DECR2: variants seen among roughly 807,000 people sequenced by gnomAD.
The protein encoded by DECR2 is 2,4-dienoyl-CoA reductase 2, also known as peroxisomal 2,4-dienoyl-CoA reductase [(3E)-enoyl-CoA-producing].
Under a neutral mutation model 29.2 loss-of-function variants are expected in DECR2, and 34 were observed. That is an observed-to-expected ratio of 1.16 (90% confidence interval 0.89 to 1.55). The LOEUF is 1.55. DECR2 is among the 40% of genes most tolerant of loss of function. The pLI is 0.00. For missense variants in DECR2, 485 were observed against 425.3 expected (o/e 1.14, Z -1.23); for synonymous variants, 224 against 182.7 (o/e 1.23, Z -1.82).
chr16:410,793 ACCCC>A lies in DECR2; in HGVS notation c.556+15_556+18del. The A allele has an allele frequency of 6.8e-7, 1 of 1,464,652 alleles. No homozygotes were observed. The allele number at this position is 1,464,652 out of a possible 1,614,324, so 90.7% of individuals were successfully genotyped here. A position where few individuals can be genotyped will look rare whatever the true frequency, so the allele number is the denominator to read the frequency against. On this transcript the variant is annotated intron_variant, in intron 6 of 8. Transcript: ENST00000219481. The surrounding 1 kb of genome is among the most constrained non-coding windows in gnomAD (Gnocchi z 4.1). ...CGCCAAGGCCGCTGTGGGTATGACC[ACCCC>A]CCCCCGCCCAGGTTTGCCCACGTGG... is the stretch of plus-strand genomic sequence containing the variant.
chr16:405,162 A>G (rs2054709965), intron 2 of DECR2, 138 bp downstream of exon 2: 1 of 1,065,854 alleles, frequency 9.4e-7, no homozygotes, highest in African/African-American at 1.6e-5. Flanking sequence ...GGTGCCTGCC[A>G]GAGGGACTGG....
Position 404,692 on chromosome 16 carries a change from C to T in DECR2, c.81-264C>T, listed in dbSNP as rs563616139. Among the ~76,000 whole-genome samples, 300 of 151,978 alleles carry T rather than the reference C, an allele frequency of 2.0e-3. 1 individual carries two copies. The highest frequency in any genetic ancestry group is 2.0e-3 in the Non-Finnish European group (136 of 67,988). ...TTGCCCAGGCTGGAGTGCAGTGGTG[C>T]GATCTCGGCTCACTGCAACATCTGC... On this transcript the variant is annotated intron_variant, in intron 1 of 8. Transcript: ENST00000219481.
At chr16:411,339 T>G (rs752350211) in intron 7 of DECR2, 22 bp from the exon 8 acceptor site, 1 of 1,594,444 alleles carries the variant, frequency 6.3e-7, no homozygotes, top group South Asian at 1.1e-5. Flanking sequence ...TCACGGGGCC[T>G]GAGCCTTCTG....
At chr16:402,087 C>T in intron 1 of DECR2, 44 bp downstream of exon 1, 1 of 1,292,518 alleles carries the variant, frequency 7.7e-7, no homozygotes, top group Non-Finnish European at 9.8e-7. Context: ...GTGCGGGGTC[C>T]GGTCCGCGGG....
chr16:411,494 G>A lies in DECR2; in HGVS notation c.795G>A (p.Leu265=). 1 of 1,614,050 alleles carries A rather than the reference G, an allele frequency of 6.2e-7. No homozygotes were observed. Among genetic ancestry groups the A allele is most frequent in the Non-Finnish European group, 8.5e-7 (1 of 1,180,014 alleles). The change falls in exon 8 of 9, where the codon CTG becomes CTA. Residue 265 remains leucine (L), a synonymous_variant. Coordinates refer to ENST00000219481, the MANE Select transcript of DECR2 (RefSeq NM_020664.4). ...PLASYVTGAV[L]VADGGAWLTF... ...CTTCCTACGTGACGGGGGCCGTGCT[G>A]GTGGCCGATGGCGGGGCATGGTTGA...
chr16:409,413 G>A (rs1033770131), intron 4 of DECR2, among the ~76,000 whole-genome samples: 2 of 149,914 alleles, frequency 1.3e-5, no homozygotes, highest in Non-Finnish European at 3.0e-5. Flanking sequence ...CTCGTGATCC[G>A]CCCGCCTCAG....
chr16:402,205 C>G lies in DECR2; in HGVS notation c.80+162C>G, dbSNP rs558600914. On this transcript the variant is annotated intron_variant, in intron 1 of 8. Transcript: ENST00000219481. ...TTTTTTTTTTTTTGAGACGGAATCT[C>G]GCTGTGTCGCCCAGGCTGGAGTGCA... Among the ~76,000 whole-genome samples, 48 of 150,714 alleles carry G rather than the reference C, an allele frequency of 3.2e-4. No individual in the cohort carries two copies. The South Asian group carries it at 0.01, about 31-fold the overall frequency.
rs750468022 is a variant in DECR2, at chr16:411,595, G to A, written c.*17G>A. On this transcript the variant is annotated intron_variant, in intron 8 of 8. Coordinates refer to ENST00000219481, the MANE Select transcript of DECR2 (RefSeq NM_020664.4). ...AAGCTCTAGGTGAGGTACTGCTCCC[G>A]CTTCTTGGGGTCATCTGTGTCCTTG... The A allele has an allele frequency of 7.5e-6, 12 of 1,595,614 alleles. No homozygotes were observed. The Admixed American group carries it at 1.2e-4, about 16-fold the overall frequency.
rs9939384 is a variant in DECR2, at chr16:410,567, T to C, written c.463-124T>C. The stretch of plus-strand genomic sequence containing the variant: ...CATGACGGCCGCCCGCTCCCTGCCC[T>C]GGGCCTCCCCCTGACGGCCGCCCGC... On this transcript the variant is annotated intron_variant, in intron 5 of 8. Coordinates refer to ENST00000219481, the MANE Select transcript of DECR2 (RefSeq NM_020664.4). The surrounding 1 kb of genome is among the most constrained non-coding windows in gnomAD (Gnocchi z 4.1). 132 of 1,361,864 alleles carry C rather than the reference T, an allele frequency of 9.7e-5. No individual in the cohort carries two copies. The East Asian group carries it at 1.2e-3, about 13-fold the overall frequency. 84.4% of individuals were successfully genotyped at this position (1,361,864 alleles called of 1,614,324 possible). A position where few individuals can be genotyped will look rare whatever the true frequency, so the allele number is the denominator to read the frequency against.
intron 3 of DECR2, 135 bp downstream of exon 3, chr16:406,532 CTG>C: frequency 1.2e-6 from 1 of 834,284 alleles, no homozygotes; most frequent in Non-Finnish European, 1.9e-6. Flanking sequence ...GAGTCTCGCT[CTG>C]TCACCCAGGC....
At chr16:408,799 G>T (rs192284009) in intron 4 of DECR2, among the ~76,000 whole-genome samples, 16 of 151,378 alleles carry the variant, frequency 1.1e-4, no homozygotes, top group Admixed American at 5.9e-4. Flanking sequence ...TTACAAGCAA[G>T]AGTCATCAAT....
At position 410,703 on chromosome 16, in the gene DECR2, G is replaced by A; in HGVS notation, c.475G>A (p.Val159Met). Reference protein sequence around the residue: ...YEKFFRDHGGVIVNITATLGN... With the variant: ...YEKFFRDHGGMIVNITATLGN... ...TTGTGTGTTGCAGGACCACGGAGGG[G>A]TGATCGTGAACATCACTGCCACCCT... The change falls in exon 6 of 9, where the codon GTG becomes ATG. Residue 159 changes from valine (V) to methionine (M), a missense_variant. Val to Met is a conservative substitution (Grantham distance 21). Coordinates refer to ENST00000219481, the MANE Select transcript of DECR2 (RefSeq NM_020664.4). The surrounding 1 kb of genome is among the most constrained non-coding windows in gnomAD (Gnocchi z 4.1). 1 of 1,606,698 alleles carries A rather than the reference G, an allele frequency of 6.2e-7. No homozygotes were observed. Among genetic ancestry groups the A allele is most frequent in the South Asian group, 1.1e-5 (1 of 90,046 alleles).
In DECR2 at chr16:410,485, G is replaced by A. The variant is rs1045843099; in HGVS notation, c.462+118G>A. The stretch of plus-strand genomic sequence containing the variant: ...CTGTGAGAAGTTCTTCCGGGTGGGT[G>A]TACTCCCAGCGGGGGCCTCCCCCTG... On this transcript the variant is annotated intron_variant, in intron 5 of 8. Transcript: ENST00000219481. This position sits in a 1 kb window ranked among gnomAD's most constrained non-coding sequence, Gnocchi z 4.1. The A allele has an allele frequency of 1.4e-6, 2 of 1,462,084 alleles. No homozygotes were observed. Among genetic ancestry groups the A allele is most frequent in the Admixed American group, 1.9e-5 (1 of 52,024 alleles). 90.6% of individuals were successfully genotyped at this position (1,462,084 alleles called of 1,614,324 possible).
At chr16:408,557 A>T (rs1320262096) in intron 4 of DECR2, among the ~76,000 whole-genome samples, 1 of 148,648 alleles carries the variant, frequency 6.7e-6, no homozygotes. Context: ...TCACTCTGTC[A>T]CCCAGGCTGG....
intron 3 of DECR2, chr16:407,126 G>T (rs1409592936): frequency 8.3e-7 from 1 of 1,204,864 alleles, no homozygotes; most frequent in South Asian, 2.8e-5. Flanking sequence ...TGGGAGGAGA[G>T]TCTCACCTGT....
chr16:411,885 T>C lies in DECR2; in HGVS notation c.*1-5T>C. 5.3e-6 allele frequency: 2 copies of C among 376,538 alleles called. No individual in the cohort carries two copies. The highest frequency in any genetic ancestry group is 9.5e-6 in the Non-Finnish European group (2 of 209,522). The allele number at this position is 376,538 out of a possible 1,614,324, so 23.3% of individuals were successfully genotyped here. On this transcript the variant is annotated splice_region_variant and splice_polypyrimidine_tract_variant and intron_variant, in intron 8 of 8. Coordinates refer to ENST00000219481, the MANE Select transcript of DECR2 (RefSeq NM_020664.4). ...GCCGGCTACTAAGTTCTGAAACTCC[T>C]GCAGGAATCTTCCGGCCGCTGCTTC... is the stretch of plus-strand genomic sequence containing the variant.
chr16:405,748 C>G (rs2054716996), intron 2 of DECR2: 3 of 486,174 alleles, frequency 6.2e-6, no homozygotes, highest in Non-Finnish European at 1.2e-5. Flanking sequence ...TACCCCCAGG[C>G]CCAGGGCTTC....
At chr16:408,272 T>C (rs1472668412) in intron 4 of DECR2, among the ~76,000 whole-genome samples, 2 of 149,920 alleles carry the variant, frequency 1.3e-5, no homozygotes, top group African/African-American at 4.9e-5. Context: ...TGGGCCTCTG[T>C]CTCCGGCCCC....
Position 410,658 on chromosome 16 carries a change from C to T in DECR2, c.463-33C>T. On this transcript the variant is annotated intron_variant, in intron 5 of 8. Transcript: ENST00000219481. The surrounding 1 kb of genome is among the most constrained non-coding windows in gnomAD (Gnocchi z 4.1). ...GTCCTGTGACCTCCCCCGACACCCG[C>T]CCGCTCACTGCCCCGGGCCTTGTGT... The T allele has an allele frequency of 6.4e-7, 1 of 1,567,894 alleles. No individual in the cohort carries two copies. Among genetic ancestry groups the T allele is most frequent in the Non-Finnish European group, 8.7e-7 (1 of 1,155,920 alleles).
Sources: gnomAD v4.1 joint callset for allele counts (sites outside exome capture counted in the v4.1 genomes callset) on GRCh38, gnomAD v4.1.1 for gene constraint, Gnocchi (gnomAD v3.1) non-coding constraint, MANE v1.5 for transcripts, NCBI Gene and HGNC (gene_info 2026-07-23, HGNC 2026-07-21) for gene names.